The following TRAPPC6B variants were observed in gnomAD, a reference collection of about 807,000 sequenced individuals.
TRAPPC6B encodes the protein trafficking protein particle complex subunit 6B, also known as TRAPP complex subunit 6B.
TRAPPC6B carries 27 observed loss-of-function variants against 24.7 expected under a neutral mutation model. The observed-to-expected ratio is 1.09, with a 90% confidence interval of 0.81 to 1.51. The LOEUF (loss-of-function observed/expected upper bound fraction) is 1.51, where lower values mean the gene tolerates loss of function less well. TRAPPC6B is among the 40% of genes most tolerant of loss of function. TRAPPC6B has a pLI of 0.00. For synonymous variants in TRAPPC6B, 80 were observed against 66.6 expected (o/e 1.20, Z -0.98); for missense variants, 212 against 190.8 (o/e 1.11, Z -0.66).
rs2052987952 is a variant in TRAPPC6B at position 39,157,081 on chromosome 14, TG to T, written c.267+1203del. The T allele has an allele frequency of 3.5e-5, 6 of 173,278 alleles. No homozygotes were observed. In the South Asian group the frequency reaches 5.8e-4, roughly 17 times the overall value. 10.7% of individuals were successfully genotyped at this position (173,278 alleles called of 1,614,324 possible). On this transcript the variant is annotated intron_variant, in intron 3 of 5. Transcript: ENST00000330149. Reference sequence around the variant, plus strand: ...GAGATCGCACCATTGCACTCTAGCCTGGGCAACACAGCAAGACTCCATCTCA... The same window carrying T: ...GAGATCGCACCATTGCACTCTAGCCTGGCAACACAGCAAGACTCCATCTCA...
chr14:39,157,619 A>T, intron 3 of TRAPPC6B: 1 of 366,024 alleles, frequency 2.7e-6, no homozygotes, highest in Admixed American at 3.3e-5. Flanking sequence ...ATCAAGGGGA[A>T]GGCAAGACTG....
intron 1 of TRAPPC6B, among the ~76,000 whole-genome samples, chr14:39,165,197 C>T (rs531199791): frequency 3.9e-5 from 6 of 152,116 alleles, no homozygotes; most frequent in Admixed American, 2.6e-4. Flanking sequence ...AGGCGACCGC[C>T]ACCACGCCCG....
intron 1 of TRAPPC6B, among the ~76,000 whole-genome samples, chr14:39,169,385 T>TA (rs1011296561): frequency 5.9e-5 from 9 of 151,746 alleles, no homozygotes; most frequent in African/African-American, 1.2e-4. Flanking sequence ...TAAATTAGAT[T>TA]AAAAAAAAAT....
rs530598243 is a variant in TRAPPC6B at position 39,163,168 on chromosome 14, G to A, written c.82-3618C>T. 1.5e-4 allele frequency among the ~76,000 whole-genome samples: 22 copies of A among 150,386 alleles called. 1 individual carries two copies. In the South Asian group the frequency reaches 3.9e-3, roughly 27 times the overall value. ...GGGCGGATCACGAAGTCAGGAGATC[G>A]AGATCATCCTGGCTAACACAGTGAA... On this transcript the variant is annotated intron_variant, in intron 1 of 5. Transcript: ENST00000330149.
intron 4 of TRAPPC6B, among the ~76,000 whole-genome samples, chr14:39,152,777 T>C (rs1408858344): frequency 6.6e-6 from 1 of 152,184 alleles, no homozygotes; most frequent in Non-Finnish European, 1.5e-5. Context: ...TCAAAATAGT[T>C]AGAAATCACT....
intron 1 of TRAPPC6B, among the ~76,000 whole-genome samples, chr14:39,161,050 AAG>A (rs2053052710): frequency 6.6e-6 from 1 of 152,228 alleles, no homozygotes; most frequent in African/African-American, 2.4e-5. Flanking sequence ...GCGAATGTAA[AAG>A]AATTAATTTT....
chr14:39,155,035 T>G (rs2052959123), intron 3 of TRAPPC6B, among the ~76,000 whole-genome samples: 1 of 151,944 alleles, frequency 6.6e-6, no homozygotes, highest in African/African-American at 2.4e-5. Context: ...GTTTAGCAAT[T>G]CTCTTGCCTC....
chr14:39,165,106 C>T (rs1375653373), intron 1 of TRAPPC6B, among the ~76,000 whole-genome samples: 1 of 148,830 alleles, frequency 6.7e-6, no homozygotes, highest in Non-Finnish European at 1.5e-5. Context: ...AGTGTAGTGG[C>T]GTGATCTCGG....
chr14:39,165,368 A>T (rs1043113112), intron 1 of TRAPPC6B, among the ~76,000 whole-genome samples: 1 of 152,136 alleles, frequency 6.6e-6, no homozygotes, highest in African/African-American at 2.4e-5. Context: ...ATTCTGCTCA[A>T]GTATTACATT....
intron 1 of TRAPPC6B, among the ~76,000 whole-genome samples, chr14:39,165,883 A>G (rs1033415836): frequency 3.3e-5 from 5 of 152,060 alleles, no homozygotes; most frequent in Non-Finnish European, 7.4e-5. Context: ...GGCTCAATGC[A>G]ACCTCCGCCT....
chr14:39,160,081 G>T (rs1272164197), intron 1 of TRAPPC6B, among the ~76,000 whole-genome samples: 1 of 152,078 alleles, frequency 6.6e-6, no homozygotes, highest in African/African-American at 2.4e-5. Flanking sequence ...ACCTGCCTTG[G>T]CCTCCCAAAG....
At chr14:39,168,857 C>T (rs935858153) in intron 1 of TRAPPC6B, among the ~76,000 whole-genome samples, 2 of 152,196 alleles carry the variant, frequency 1.3e-5, no homozygotes, top group African/African-American at 2.4e-5. Context: ...AGGATCTTCC[C>T]TCTCTAGCCC....
At chr14:39,151,691 A>C (rs934231589) in intron 5 of TRAPPC6B, 55 bp downstream of exon 5, 3 of 1,315,506 alleles carry the variant, frequency 2.3e-6, no homozygotes, top group Middle Eastern at 1.9e-4. Flanking sequence ...AAAAAAAAAA[A>C]CAGACCTGAA....
chr14:39,163,955 T>A (rs1347298565), intron 1 of TRAPPC6B, among the ~76,000 whole-genome samples: 2 of 150,810 alleles, frequency 1.3e-5, no homozygotes, highest in Non-Finnish European at 2.9e-5. Flanking sequence ...ACCAGAAAAC[T>A]TCCATTTTCT....
intron 1 of TRAPPC6B, among the ~76,000 whole-genome samples, chr14:39,168,232 AG>A (rs1488714743): frequency 7.9e-6 from 1 of 126,726 alleles, no homozygotes; most frequent in Non-Finnish European, 1.8e-5. Context: ...AAAAAAAAAG[AG>A]AGAGAGAGAA....
At chr14:39,162,875 T>C (rs2053073390) in intron 1 of TRAPPC6B, among the ~76,000 whole-genome samples, 1 of 143,544 alleles carries the variant, frequency 7.0e-6, no homozygotes, top group Admixed American at 6.7e-5. Context: ...TTCAACCTTC[T>C]GCAGATGCAC....
At chr14:39,154,648 G>C (rs2052954947) in intron 3 of TRAPPC6B, among the ~76,000 whole-genome samples, 1 of 152,002 alleles carries the variant, frequency 6.6e-6, no homozygotes, top group Non-Finnish European at 1.5e-5. Flanking sequence ...TCAAACTCCT[G>C]GGCTCAAGCA....
intron 1 of TRAPPC6B, among the ~76,000 whole-genome samples, chr14:39,160,270 C>T (rs1224411225): frequency 6.6e-6 from 1 of 152,036 alleles, no homozygotes; most frequent in African/African-American, 2.4e-5. Flanking sequence ...CTCCCTGACA[C>T]CAAGTCTTTT....
chr14:39,149,004 C>A lies in TRAPPC6B; in HGVS notation c.*1346G>T. On this transcript the variant is annotated 3_prime_UTR_variant, in exon 6 of 6. Coordinates refer to ENST00000330149, the MANE Select transcript of TRAPPC6B (RefSeq NM_001079537.2). Reference sequence around the variant, plus strand: ...ACATAAAGAAGGTACAGTAAAAATACAGTATTGTAATCTTATGGAACCACT... The same window carrying A: ...ACATAAAGAAGGTACAGTAAAAATAAAGTATTGTAATCTTATGGAACCACT... 1 of 359,260 alleles carries A rather than the reference C, an allele frequency of 2.8e-6. No homozygotes were observed. Among genetic ancestry groups the A allele is most frequent in the Non-Finnish European group, 5.0e-6 (1 of 201,990 alleles). 22.3% of individuals were successfully genotyped at this position (359,260 alleles called of 1,614,324 possible).
Sources: gnomAD v4.1 joint callset for allele counts (sites outside exome capture counted in the v4.1 genomes callset) on GRCh38, gnomAD v4.1.1 for gene constraint, MANE v1.5 for transcripts, NCBI Gene and HGNC (gene_info 2026-07-23, HGNC 2026-07-21) for gene names.